Variants in PDE7B observed in about 807,000 individuals in gnomAD.
The protein encoded by PDE7B is 3',5'-cyclic-AMP phosphodiesterase 7B.
In PDE7B, 29 loss-of-function variants were observed where a neutral mutation model predicts 56.2. That is an observed-to-expected ratio of 0.52 (90% CI 0.38 to 0.70). PDE7B has a LOEUF of 0.70. PDE7B is among the 30% of genes least tolerant of loss of function. The pLI is 0.00. For synonymous variants in PDE7B, 197 were observed against 196.9 expected (o/e 1.00, Z 0.00); for missense variants, 490 against 565.0 (o/e 0.87, Z 1.35).
At chr6:135,977,167 C>T (rs997511642) in intron 2 of PDE7B, among the ~76,000 whole-genome samples, 4 of 152,134 alleles carry the variant, frequency 2.6e-5, no homozygotes, top group African/African-American at 9.7e-5. Flanking sequence ...AATCCTCCCG[C>T]TTCAGGTTAA....
intron 1 of PDE7B, among the ~76,000 whole-genome samples, chr6:135,908,098 T>C (rs913943772): frequency 6.6e-6 from 1 of 152,066 alleles, no homozygotes; most frequent in Non-Finnish European, 1.5e-5. Flanking sequence ...CTTTTTTTTT[T>C]TTTTCTTGAG....
At chr6:136,012,212 C>T (rs1775907166) in intron 2 of PDE7B, among the ~76,000 whole-genome samples, 1 of 152,110 alleles carries the variant, frequency 6.6e-6, no homozygotes, top group South Asian at 2.1e-4. Context: ...GGAGGAACCA[C>T]TCACAGCAAA....
chr6:135,920,541 T>C (rs1024692226), intron 1 of PDE7B, among the ~76,000 whole-genome samples: 1 of 152,314 alleles, frequency 6.6e-6, no homozygotes, highest in East Asian at 1.9e-4. Flanking sequence ...TATTTTTGTG[T>C]CACCCATATG....
intron 1 of PDE7B, among the ~76,000 whole-genome samples, chr6:135,945,257 T>C (rs1011666744): frequency 1.3e-5 from 2 of 152,166 alleles, no homozygotes; most frequent in Non-Finnish European, 2.9e-5. Context: ...GGCATCCCCA[T>C]GTTACTTATG....
intron 3 of PDE7B, among the ~76,000 whole-genome samples, chr6:136,111,758 T>C (rs969893983): frequency 3.9e-5 from 6 of 152,190 alleles, no homozygotes; most frequent in African/African-American, 1.4e-4. Flanking sequence ...AACTTTTCTT[T>C]TTACCAGCTC....
chr6:135,921,763 A>G (rs1293733042), intron 1 of PDE7B, among the ~76,000 whole-genome samples: 2 of 152,142 alleles, frequency 1.3e-5, no homozygotes, highest in Admixed American at 6.5e-5. Context: ...TTGTGAGTGT[A>G]TCAAATTTGG....
intron 3 of PDE7B, among the ~76,000 whole-genome samples, chr6:136,128,526 G>C (rs1435730379): frequency 6.6e-6 from 1 of 152,128 alleles, no homozygotes; most frequent in Non-Finnish European, 1.5e-5. Context: ...GGTATTATTA[G>C]CTCTGGTTAT....
chr6:136,043,348 C>T (rs1776443521), intron 2 of PDE7B, among the ~76,000 whole-genome samples: 1 of 152,076 alleles, frequency 6.6e-6, no homozygotes, highest in South Asian at 2.1e-4. Context: ...CTAACTCCAG[C>T]TCCCCAATTC....
In PDE7B at chr6:136,067,219, C is replaced by T. The variant is rs532882724; in HGVS notation, c.83-41512C>T. ...GGAATGTATCTTTCTCCTTCATTCA[C>T]AGAAATGTTCTAGATAATAAGATGA... On this transcript the variant is annotated intron_variant, in intron 2 of 12. Coordinates refer to ENST00000308191, the MANE Select transcript of PDE7B (RefSeq NM_018945.4). Among the ~76,000 whole-genome samples the T allele has an allele frequency of 3.3e-5, 5 of 152,276 alleles. No homozygotes were observed. In the East Asian group the frequency reaches 5.8e-4, roughly 18 times the overall value.
chr6:135,885,013 G>A (rs980498979), intron 1 of PDE7B, among the ~76,000 whole-genome samples: 3 of 152,084 alleles, frequency 2.0e-5, no homozygotes, highest in African/African-American at 7.2e-5. Flanking sequence ...AAAAGCCAGG[G>A]GGATTTCCAT....
intron 2 of PDE7B, among the ~76,000 whole-genome samples, chr6:136,080,094 G>A (rs1393924385): frequency 6.6e-6 from 1 of 152,154 alleles, no homozygotes; most frequent in South Asian, 2.1e-4. Context: ...AAACCTCCAT[G>A]TGTCCAGTGT....
chr6:136,067,208 T>C (rs1005823429), intron 2 of PDE7B, among the ~76,000 whole-genome samples: 5 of 152,220 alleles, frequency 3.3e-5, no homozygotes, highest in African/African-American at 9.6e-5. Context: ...TGTATCTTTC[T>C]CCTTCATTCA....
intron 2 of PDE7B, among the ~76,000 whole-genome samples, chr6:135,947,745 G>C (rs1583789089): frequency 1.3e-5 from 2 of 152,032 alleles, no homozygotes; most frequent in East Asian, 3.8e-4. Flanking sequence ...ATGCTTCTGA[G>C]TCTTTCAAAA....
At chr6:136,091,447 C>T (rs1412766903) in intron 2 of PDE7B, among the ~76,000 whole-genome samples, 1 of 152,210 alleles carries the variant, frequency 6.6e-6, no homozygotes, top group Non-Finnish European at 1.5e-5. Flanking sequence ...TTTTCTAAGT[C>T]GCTGCATGTC....
At chr6:135,945,022 A>G (rs2876318) in intron 1 of PDE7B, among the ~76,000 whole-genome samples, 53,933 of 152,068 alleles carry the variant, frequency 0.35, 9,920 homozygotes, top group Admixed American at 0.5. Flanking sequence ...AGTTTAGAAC[A>G]TTTAGGAAAC....
intron 11 of PDE7B, among the ~76,000 whole-genome samples, chr6:136,182,167 G>A (rs139701990): frequency 3.7e-4 from 57 of 152,316 alleles, no homozygotes; most frequent in Non-Finnish European, 4.9e-4. Context: ...ACCATTGAAA[G>A]ATGTGTCAAT....
At chr6:136,019,623 A>G (rs1301459024) in intron 2 of PDE7B, among the ~76,000 whole-genome samples, 2 of 152,228 alleles carry the variant, frequency 1.3e-5, no homozygotes, top group South Asian at 2.1e-4. Context: ...CAGCCTCTGC[A>G]TAGTGGAAAA....
At chr6:136,005,807 G>A (rs568785317) in intron 2 of PDE7B, among the ~76,000 whole-genome samples, 186 of 152,252 alleles carry the variant, frequency 1.2e-3, no homozygotes, top group Non-Finnish European at 2.3e-3. Context: ...CGATTCCTCA[G>A]GGATCTAGAA....
At chr6:136,078,610 A>G (rs1323495076) in intron 2 of PDE7B, among the ~76,000 whole-genome samples, 1 of 152,094 alleles carries the variant, frequency 6.6e-6, no homozygotes, top group Non-Finnish European at 1.5e-5. Context: ...ATTATGTAAA[A>G]GAGACAAAAG....
Sources: allele counts gnomAD v4.1 joint callset (sites outside exome capture counted in the v4.1 genomes callset), GRCh38; gene constraint gnomAD v4.1.1; transcripts MANE v1.5; gene names NCBI Gene and HGNC (gene_info 2026-07-23, HGNC 2026-07-21).